The following ADAMTS3 variants were observed in gnomAD, a reference collection of about 807,000 sequenced individuals.
ADAMTS3 encodes A disintegrin and metalloproteinase with thrombospondin motifs 3.
Under a neutral mutation model 129.0 loss-of-function variants are expected in ADAMTS3, and 73 were observed. That is an observed-to-expected ratio of 0.57 (90% CI 0.47 to 0.69). The LOEUF (loss-of-function observed/expected upper bound fraction) is 0.69. ADAMTS3 is among the 30% of genes least tolerant of loss of function. The pLI is 0.00. For missense variants in ADAMTS3, 1,457 were observed against 1,514.5 expected (o/e 0.96, Z 0.63); for synonymous variants, 477 against 510.8 (o/e 0.93, Z 0.89).
rs76886721 is a variant in ADAMTS3, at chr4:72,378,433, C to G, written c.661+36382G>C. Among the ~76,000 whole-genome samples, 546 of 152,234 alleles carry G rather than the reference C, an allele frequency of 3.6e-3. 19 individuals are homozygous for G. The East Asian group carries it at 0.095, about 26-fold the overall frequency. ...TAACAGAAACTATTTATATCAATGA[C>G]TATTTTCATAGTTATCATATTATTG... On this transcript the variant is annotated intron_variant, in intron 4 of 21. Transcript: ENST00000286657.
At chr4:72,513,483 C>T (rs529496831) in intron 3 of ADAMTS3, among the ~76,000 whole-genome samples, 2 of 152,300 alleles carry the variant, frequency 1.3e-5, no homozygotes, top group East Asian at 3.9e-4. Flanking sequence ...GTTTCACTCC[C>T]CACCATCTAA....
intron 4 of ADAMTS3, among the ~76,000 whole-genome samples, chr4:72,340,690 T>C (rs752901979): frequency 1.3e-5 from 2 of 151,814 alleles, no homozygotes; most frequent in African/African-American, 2.4e-5. Context: ...CCTATATACA[T>C]GGAAAGAAAG....
At position 72,283,308 on chromosome 4, in the gene ADAMTS3, G is replaced by T. The variant is rs371731183; in HGVS notation, c.3446C>A (p.Ser1149Tyr). 6 of 1,613,936 alleles carry T rather than the reference G, an allele frequency of 3.7e-6. No individual in the cohort carries two copies. The South Asian group carries it at 6.6e-5, about 18-fold the overall frequency. Residue 1149 changes from serine (S) to tyrosine (Y), a missense_variant, in exon 22 of 22, where the codon TCC becomes TAC. Physicochemically the swap from Ser to Tyr is moderately radical, Grantham distance 144 (BLOSUM62 -2). Coordinates refer to ENST00000286657, the MANE Select transcript of ADAMTS3 (RefSeq NM_014243.3). ...SKTVRLVTVP[S>Y]SPPTKRVHLS... Reference sequence around the variant, plus strand: ...GTGGACCCTCTTGGTGGGTGGGGAGGATGGTACGGTGACCAGTCTCACAGT... The same window carrying T: ...GTGGACCCTCTTGGTGGGTGGGGAGTATGGTACGGTGACCAGTCTCACAGT...
At chr4:72,558,654 C>A (rs1518473) in intron 2 of ADAMTS3, among the ~76,000 whole-genome samples, 7 of 151,580 alleles carry the variant, frequency 4.6e-5, no homozygotes, top group East Asian at 1.9e-4. Context: ...CTATCTCCCA[C>A]CCAATGTGCT....
At chr4:72,546,132 CAA>C (rs1323060454) in intron 3 of ADAMTS3, among the ~76,000 whole-genome samples, 4 of 152,174 alleles carry the variant, frequency 2.6e-5, no homozygotes, top group African/African-American at 7.2e-5. Context: ...CAGCTGCCCA[CAA>C]AGACTTCATT....
In ADAMTS3 at chr4:72,336,775, G is replaced by C. The variant is rs1720000880; in HGVS notation, c.861+2719C>G. On this transcript the variant is annotated intron_variant, in intron 5 of 21. Coordinates refer to ENST00000286657, the MANE Select transcript of ADAMTS3 (RefSeq NM_014243.3). The stretch of plus-strand genomic sequence containing the variant: ...AATTAAAAATTCTATGCTGTGTAGG[G>C]CTGTCTGTTGCGCTGTAGGATGCTG... Among the ~76,000 whole-genome samples, 3 of 152,020 alleles carry C rather than the reference G, an allele frequency of 2.0e-5. No individual in the cohort carries two copies. The South Asian group carries it at 6.2e-4, about 32-fold the overall frequency.
intron 3 of ADAMTS3, among the ~76,000 whole-genome samples, chr4:72,503,109 T>C (rs1720069435): frequency 1.3e-5 from 2 of 152,126 alleles, no homozygotes; most frequent in South Asian, 2.1e-4. Flanking sequence ...CTGCAACCTT[T>C]CCCTCCCAGG....
intron 15 of ADAMTS3, 60 bp from the exon 16 acceptor site, chr4:72,306,127 G>T (rs2109790877): frequency 7.5e-7 from 1 of 1,336,104 alleles, no homozygotes; most frequent in South Asian, 1.3e-5. Context: ...AACAACCATG[G>T]TTAGTTGAGC....
In ADAMTS3 at chr4:72,288,840, T is replaced by A. The variant is rs1280659577; in HGVS notation, c.2960A>T (p.Glu987Val). Residue 987 changes from glutamate (E) to valine (V), a missense_variant, in exon 21 of 22, where the codon GAG becomes GTG. Coordinates refer to ENST00000286657, the MANE Select transcript of ADAMTS3 (RefSeq NM_014243.3). The part of the protein sequence containing the change: ...ECSVTCGEGT[E>V]VRQVLCRAGD... ...AGCCCTGCAGAGGACCTGCCTCACC[T>A]CCGTTCCTTCACCGCAGGTCACTGA... 1 of 1,612,990 alleles carries A rather than the reference T, an allele frequency of 6.2e-7. No homozygotes were observed. Among genetic ancestry groups the A allele is most frequent in the South Asian group, 1.1e-5 (1 of 91,038 alleles).
At chr4:72,510,767 A>C (rs1283382694) in intron 3 of ADAMTS3, among the ~76,000 whole-genome samples, 4 of 150,332 alleles carry the variant, frequency 2.7e-5, no homozygotes, top group Non-Finnish European at 4.4e-5. Context: ...ATCAATCCTA[A>C]AATTTATGTG....
chr4:72,517,371 C>T (rs973685405), intron 3 of ADAMTS3, among the ~76,000 whole-genome samples: 18 of 152,202 alleles, frequency 1.2e-4, no homozygotes, highest in African/African-American at 4.1e-4. Context: ...AGGGAGGATT[C>T]CCTCTTTTTC....
intron 5 of ADAMTS3, among the ~76,000 whole-genome samples, chr4:72,328,091 C>A (rs1719744626): frequency 6.6e-6 from 1 of 152,066 alleles, no homozygotes; most frequent in African/African-American, 2.4e-5. Flanking sequence ...AGTACATCTA[C>A]AAAAAAACAC....
chr4:72,338,253 G>T (rs148229338), intron 5 of ADAMTS3, among the ~76,000 whole-genome samples: 1 of 152,198 alleles, frequency 6.6e-6, no homozygotes, highest in African/African-American at 2.4e-5. Flanking sequence ...TAGTCAAAAG[G>T]TTAATATGAA....
intron 21 of ADAMTS3, among the ~76,000 whole-genome samples, chr4:72,285,715 A>C (rs779946711): frequency 5.3e-5 from 8 of 151,802 alleles, no homozygotes; most frequent in Non-Finnish European, 7.4e-5. Flanking sequence ...AGAGCAAAGG[A>C]ATACATTAAC....
At chr4:72,559,833 T>A (rs7686365) in intron 2 of ADAMTS3, among the ~76,000 whole-genome samples, 145,822 of 151,372 alleles carry the variant, frequency 0.96, 70,635 homozygotes, top group East Asian at 1. Context: ...ACAGAATTTT[T>A]AAAAAACTAT....
chr4:72,427,690 T>C (rs1722605729), intron 3 of ADAMTS3, among the ~76,000 whole-genome samples: 1 of 152,048 alleles, frequency 6.6e-6, no homozygotes, highest in South Asian at 2.1e-4. Context: ...TCAATCTCTA[T>C]GTTCCAAATT....
intron 4 of ADAMTS3, among the ~76,000 whole-genome samples, chr4:72,368,593 C>G (rs1224748243): frequency 6.6e-6 from 1 of 152,074 alleles, no homozygotes; most frequent in African/African-American, 2.4e-5. Flanking sequence ...TGCTAATAAA[C>G]TGAGAAAACA....
chr4:72,421,473 A>G (rs1347861960), intron 3 of ADAMTS3, among the ~76,000 whole-genome samples: 1 of 152,212 alleles, frequency 6.6e-6, no homozygotes. Context: ...GGACAGGTGA[A>G]AATAAAACAC....
At chr4:72,458,071 G>A (rs574689784) in intron 3 of ADAMTS3, among the ~76,000 whole-genome samples, 4 of 151,708 alleles carry the variant, frequency 2.6e-5, no homozygotes, top group African/African-American at 7.2e-5. Context: ...TTAACTGAGC[G>A]CATCTAGAGC....
Sources: gnomAD v4.1 joint callset for allele counts (sites outside exome capture counted in the v4.1 genomes callset) on GRCh38, gnomAD v4.1.1 for gene constraint, MANE v1.5 for transcripts, NCBI Gene and HGNC (gene_info 2026-07-23, HGNC 2026-07-21) for gene names.